The following SLC35F4 variants were observed in gnomAD, a reference collection of about 807,000 sequenced individuals.
SLC35F4 encodes solute carrier family 35 member F4, also known as chromosome 14 open reading frame 36.
In SLC35F4, 24 loss-of-function variants were observed where a neutral mutation model predicts 44.2. That is an observed-to-expected ratio of 0.54 (90% CI 0.39 to 0.76). The LOEUF (loss-of-function observed/expected upper bound fraction) is 0.76, where lower values mean the gene tolerates loss of function less well. SLC35F4 is among the 30% of genes least tolerant of loss of function. The pLI is 0.00. For synonymous variants in SLC35F4, 238 were observed against 223.6 expected, an observed-to-expected ratio of 1.06 and a Z score of -0.57; for missense variants, 562 against 586.1, an observed-to-expected ratio of 0.96 and a Z score of 0.42.
chr14:57,589,281 G>A lies in SLC35F4; in HGVS notation c.522C>T (p.Phe174=). The change falls in exon 3 of 8, where the codon TTC becomes TTT. Residue 174 remains phenylalanine, a synonymous_variant. Transcript: ENST00000556826. ...CTAGATGACCAGAATAATAGACTGG[G>A]AAAAACATAATGTTCCAGTTTGTTG... ...WFSTNWNIMF[F]PVYYSGHLAT... 6.2e-7 allele frequency: 1 copy of A among 1,613,892 alleles called. No individual in the cohort carries two copies. Among genetic ancestry groups the A allele is most frequent in the Non-Finnish European group, 8.5e-7 (1 of 1,179,864 alleles).
At position 57,714,485 on chromosome 14, in the gene SLC35F4, A is replaced by G. The variant is rs1282245267; in HGVS notation, c.104-120361T>C. Among the ~76,000 whole-genome samples the G allele has an allele frequency of 3.3e-5, 5 of 152,180 alleles. No homozygotes were observed. In the East Asian group the frequency reaches 9.6e-4, roughly 29 times the overall value. On this transcript the variant is annotated intron_variant, in intron 1 of 7. Coordinates refer to ENST00000556826, the MANE Select transcript of SLC35F4 (RefSeq NM_001306087.2). ...ACCATTTTATTTGTTGACTTTTCCTACAAGTGAAAGCACACAGCCTCTGTT... is the reference window on the plus strand; with the variant it reads ...ACCATTTTATTTGTTGACTTTTCCTGCAAGTGAAAGCACACAGCCTCTGTT...
At chr14:57,571,772 T>C in intron 5 of SLC35F4, 122 bp downstream of exon 5, 1 of 1,338,564 alleles carries the variant, frequency 7.5e-7, no homozygotes, top group Non-Finnish European at 9.8e-7. Context: ...GTTAATTTAC[T>C]TACTATTATT....
intron 2 of SLC35F4, among the ~76,000 whole-genome samples, chr14:57,590,674 G>A (rs149753787): frequency 1.3e-5 from 2 of 152,292 alleles, no homozygotes; most frequent in Non-Finnish European, 2.9e-5. Flanking sequence ...TTAAACAGGA[G>A]CGGAGGTCAT....
At chr14:57,697,137 T>A (rs979321444) in intron 1 of SLC35F4, among the ~76,000 whole-genome samples, 2 of 152,158 alleles carry the variant, frequency 1.3e-5, no homozygotes, top group African/African-American at 4.8e-5. Context: ...AGGTTTTAGA[T>A]TCATCCTACA....
At chr14:57,931,700 T>A (rs1889700379) in intron 1 of SLC35F4, among the ~76,000 whole-genome samples, 1 of 152,252 alleles carries the variant, frequency 6.6e-6, no homozygotes, top group Non-Finnish European at 1.5e-5. Context: ...TGGAGATCTG[T>A]GGCTCCTCCA....
At chr14:57,899,971 A>G (rs1473468134) in intron 1 of SLC35F4, among the ~76,000 whole-genome samples, 15 of 152,140 alleles carry the variant, frequency 9.9e-5, no homozygotes, top group Admixed American at 9.8e-4. Flanking sequence ...TAGGGTGGCC[A>G]GCTTTTATTC....
chr14:57,683,507 G>T (rs765210977), intron 1 of SLC35F4, among the ~76,000 whole-genome samples: 3 of 152,088 alleles, frequency 2.0e-5, no homozygotes, highest in African/African-American at 4.8e-5. Context: ...TGCTTCTACA[G>T]GCTTTTTCTT....
At chr14:57,609,509 T>G (rs996882841) in intron 1 of SLC35F4, among the ~76,000 whole-genome samples, 1 of 152,046 alleles carries the variant, frequency 6.6e-6, no homozygotes, top group Non-Finnish European at 1.5e-5. Context: ...AGCAAAAGAG[T>G]GTAAGTCACC....
At position 57,666,284 on chromosome 14, in the gene SLC35F4, T is replaced by A. The variant is rs190169465; in HGVS notation, c.104-72160A>T. On this transcript the variant is annotated intron_variant, in intron 1 of 7. Transcript: ENST00000556826. ...ATTTAGGTATTCCTAAGGTTCCAAA[T>A]AATCAAATACTATCCAGTTTTATTT... Among the ~76,000 whole-genome samples, 47 of 152,334 alleles carry A rather than the reference T, an allele frequency of 3.1e-4. No individual in the cohort carries two copies. The South Asian group carries it at 6.6e-3, about 21-fold the overall frequency.
chr14:57,709,221 G>C (rs1326765550), intron 1 of SLC35F4, among the ~76,000 whole-genome samples: 1 of 152,074 alleles, frequency 6.6e-6, no homozygotes, highest in Non-Finnish European at 1.5e-5. Flanking sequence ...GTTTTTCCTT[G>C]ACACTGATGC....
chr14:57,611,362 G>A (rs986328845), intron 1 of SLC35F4, among the ~76,000 whole-genome samples: 1 of 152,130 alleles, frequency 6.6e-6, no homozygotes, highest in Non-Finnish European at 1.5e-5. Context: ...GAAGTTGGGT[G>A]TATTCCCATG....
At chr14:57,797,851 A>C (rs1438616782) in intron 1 of SLC35F4, among the ~76,000 whole-genome samples, 1 of 152,162 alleles carries the variant, frequency 6.6e-6, no homozygotes, top group East Asian at 1.9e-4. Context: ...GTACTTCCCC[A>C]TCCCTTAATC....
At chr14:57,882,111 T>G (rs1294249560) in intron 1 of SLC35F4, among the ~76,000 whole-genome samples, 1 of 152,100 alleles carries the variant, frequency 6.6e-6, no homozygotes, top group African/African-American at 2.4e-5. Context: ...CCTCCCTCCC[T>G]CTCATCAGCC....
chr14:57,944,695 A>G (rs60462649), intron 1 of SLC35F4, among the ~76,000 whole-genome samples: 23 of 116,068 alleles, frequency 2.0e-4, no homozygotes, highest in South Asian at 1.5e-3. Context: ...AGAAAGAAAG[A>G]AAAGAAAGAA....
At chr14:57,978,247 A>G (rs1368835552) in intron 1 of SLC35F4, among the ~76,000 whole-genome samples, 1 of 152,254 alleles carries the variant, frequency 6.6e-6, no homozygotes, top group East Asian at 1.9e-4. Flanking sequence ...TCTATAGAGC[A>G]TCATCCCTTT....
At chr14:57,848,400 G>A (rs1043226461) in intron 1 of SLC35F4, among the ~76,000 whole-genome samples, 10 of 152,174 alleles carry the variant, frequency 6.6e-5, no homozygotes, top group Non-Finnish European at 1.0e-4. Flanking sequence ...ATCTGTATAC[G>A]CTGCCCACTG....
At chr14:57,680,840 C>G (rs2074873350) in intron 1 of SLC35F4, among the ~76,000 whole-genome samples, 1 of 152,066 alleles carries the variant, frequency 6.6e-6, no homozygotes, top group African/African-American at 2.4e-5. Context: ...TCAAAGAGAA[C>G]TACAAACCAC....
At chr14:57,982,528 G>T (rs1408708847), upstream of SLC35F4, among the ~76,000 whole-genome samples, 1 of 152,062 alleles carries the variant, frequency 6.6e-6, no homozygotes, top group African/African-American at 2.4e-5. Flanking sequence ...AGAGCCAAGA[G>T]GGGGAATATG....
intron 1 of SLC35F4, among the ~76,000 whole-genome samples, chr14:57,618,595 G>A (rs2071994829): frequency 6.6e-6 from 1 of 152,218 alleles, no homozygotes; most frequent in South Asian, 2.1e-4. Context: ...TGGATTTCAA[G>A]TACAAAACTG....
Sources: gnomAD v4.1 joint callset for allele counts (sites outside exome capture counted in the v4.1 genomes callset) on GRCh38, gnomAD v4.1.1 for gene constraint, MANE v1.5 for transcripts, NCBI Gene and HGNC (gene_info 2026-07-23, HGNC 2026-07-21) for gene names.